The following PCMTD1 variants were observed in gnomAD, a reference collection of about 807,000 sequenced individuals.
The protein encoded by PCMTD1 is protein-L-isoaspartate O-methyltransferase domain-containing protein 1.
In PCMTD1, 12 loss-of-function variants were observed where a neutral mutation model predicts 37.6. That is an observed-to-expected ratio of 0.32 (90% confidence interval 0.20 to 0.52). The LOEUF (loss-of-function observed/expected upper bound fraction) is 0.52. Among genes scored for constraint, PCMTD1 ranks in the 20% least tolerant of loss-of-function variants. PCMTD1 has a pLI of 0.97. For synonymous variants in PCMTD1, 117 were observed against 135.8 expected, an observed-to-expected ratio of 0.86 and a Z score of 0.96; for missense variants, 235 against 421.3, an observed-to-expected ratio of 0.56 and a Z score of 3.87.
chr8:51,872,809 A>T (rs2038657886), intron 1 of PCMTD1, among the ~76,000 whole-genome samples: 1 of 152,192 alleles, frequency 6.6e-6, no homozygotes, highest in African/African-American at 2.4e-5. Context: ...GCTCATATCA[A>T]ATGTACTCTT....
At chr8:51,890,887 A>G (rs909631772) in intron 1 of PCMTD1, among the ~76,000 whole-genome samples, 1 of 152,202 alleles carries the variant, frequency 6.6e-6, no homozygotes, top group Non-Finnish European at 1.5e-5. Flanking sequence ...CACCAAATAC[A>G]TCTGCCACAG....
At chr8:51,869,099 A>C (rs2038602147) in intron 1 of PCMTD1, among the ~76,000 whole-genome samples, 1 of 152,188 alleles carries the variant, frequency 6.6e-6, no homozygotes, top group Non-Finnish European at 1.5e-5. Context: ...TAATCAATAT[A>C]ATCAATATTA....
At chr8:51,882,818 T>TAAAAAA (rs34942203) in intron 1 of PCMTD1, among the ~76,000 whole-genome samples, 2 of 137,602 alleles carry the variant, frequency 1.5e-5, no homozygotes, top group South Asian at 2.3e-4. Context: ...ATAGCATACT[T>TAAAAAA]AAAAAAAAAA....
At chr8:51,892,946 A>C (rs1473342903) in intron 1 of PCMTD1, among the ~76,000 whole-genome samples, 2 of 152,236 alleles carry the variant, frequency 1.3e-5, no homozygotes, top group African/African-American at 4.8e-5. Flanking sequence ...TTTTCAGTTT[A>C]TATATTTTTT....
rs1181656474 is a variant in PCMTD1, at chr8:51,818,775, T to A, written c.*1576A>T. The stretch of plus-strand genomic sequence containing the variant: ...GGAACAATTTCATGCTTACACATGA[T>A]CACAAACATTTGTTTTTAGATGTTG... On this transcript the variant is annotated 3_prime_UTR_variant, in exon 6 of 6. Transcript: ENST00000522514. 1.3e-5 allele frequency: 2 copies of A among 152,322 alleles called. No individual in the cohort carries two copies. The highest frequency in any genetic ancestry group is 1.5e-5 in the Non-Finnish European group (1 of 68,064). The allele number at this position is 152,322 out of a possible 1,614,324, so 9.4% of individuals were successfully genotyped here. A position where few individuals can be genotyped will look rare whatever the true frequency, so the allele number is the denominator to read the frequency against.
At chr8:51,847,397 C>T (rs1476589545) in intron 2 of PCMTD1, among the ~76,000 whole-genome samples, 4 of 151,600 alleles carry the variant, frequency 2.6e-5, no homozygotes, top group Admixed American at 2.6e-4. Flanking sequence ...GAGGCCAAGG[C>T]GGGCAGATGG....
intron 2 of PCMTD1, among the ~76,000 whole-genome samples, chr8:51,859,102 C>A (rs2038434474): frequency 6.6e-6 from 1 of 152,146 alleles, no homozygotes; most frequent in African/African-American, 2.4e-5. Context: ...TCAGCACGAG[C>A]CAGTTGGCAC....
chr8:51,878,957 T>C (rs939982713), intron 1 of PCMTD1, among the ~76,000 whole-genome samples: 5 of 152,014 alleles, frequency 3.3e-5, no homozygotes, highest in African/African-American at 1.2e-4. Flanking sequence ...AGACCCTATT[T>C]CTATAAAACA....
At chr8:51,882,297 T>C (rs1009644388) in intron 1 of PCMTD1, among the ~76,000 whole-genome samples, 7 of 152,206 alleles carry the variant, frequency 4.6e-5, no homozygotes, top group Non-Finnish European at 8.8e-5. Flanking sequence ...AATGACGCTA[T>C]TGGATCAGGG....
chr8:51,895,224 G>A lies in PCMTD1; in HGVS notation c.-96+3706C>T, dbSNP rs368062564. The stretch of plus-strand genomic sequence containing the variant: ...AAAAACAAACAAAGGCCCCAAGAAG[G>A]GAGAGTTGGAGATGCCAGTTTGTGA... On this transcript the variant is annotated intron_variant, in intron 1 of 5. Transcript: ENST00000522514. 1.1e-4 allele frequency among the ~76,000 whole-genome samples: 16 copies of A among 151,950 alleles called. 1 individual carries two copies. The highest frequency in any genetic ancestry group is 3.4e-4 in the African/African-American group (14 of 41,406).
At chr8:51,847,369 G>A (rs1317090057) in intron 2 of PCMTD1, among the ~76,000 whole-genome samples, 3 of 152,222 alleles carry the variant, frequency 2.0e-5, no homozygotes, top group African/African-American at 7.2e-5. Context: ...GCTCATGCCT[G>A]TAATCCCAGC....
chr8:51,882,248 C>G (rs1451892245), intron 1 of PCMTD1, among the ~76,000 whole-genome samples: 1 of 152,124 alleles, frequency 6.6e-6, no homozygotes, highest in Non-Finnish European at 1.5e-5. Flanking sequence ...TTTGTACACA[C>G]AAAAAAGCAT....
At chr8:51,893,858 C>G (rs2038967058) in intron 1 of PCMTD1, among the ~76,000 whole-genome samples, 2 of 152,036 alleles carry the variant, frequency 1.3e-5, no homozygotes, top group African/African-American at 4.8e-5. Context: ...GCTTAAATAC[C>G]AATGAAAGGG....
chr8:51,827,340 G>A (rs1267490134), intron 5 of PCMTD1: 4 of 1,077,436 alleles, frequency 3.7e-6, no homozygotes, highest in East Asian at 5.9e-5. Flanking sequence ...CACGGTTTCC[G>A]CTTTCTATGG....
At chr8:51,871,989 C>T (rs147934956) in intron 1 of PCMTD1, among the ~76,000 whole-genome samples, 1 of 152,270 alleles carries the variant, frequency 6.6e-6, no homozygotes, top group African/African-American at 2.4e-5. Flanking sequence ...CCAACTTCCT[C>T]CACATCCTTT....
At chr8:51,855,488 G>A (rs1197128385) in intron 2 of PCMTD1, among the ~76,000 whole-genome samples, 5 of 145,326 alleles carry the variant, frequency 3.4e-5, no homozygotes, top group Admixed American at 1.4e-4. Context: ...AGCTGCGATC[G>A]TGTCACTGCA....
Position 51,820,646 on chromosome 8 carries a change from T to G in PCMTD1, c.779A>C (p.Asn260Thr), listed in dbSNP as rs1253274672. ...YIRRTLRNFINDEMQAKGIPQ... is the reference protein window; with the variant it reads ...YIRRTLRNFITDEMQAKGIPQ... ...AATCCCCTTGGCCTGCATCTCATCATTTATGAAATTTCTAAGTGTGCGTCG... is the reference window on the plus strand; with the variant it reads ...AATCCCCTTGGCCTGCATCTCATCAGTTATGAAATTTCTAAGTGTGCGTCG... Residue 260 changes from asparagine to threonine, a missense_variant, in exon 6 of 6, where the codon AAT becomes ACT. Around this residue, in one of 3 missense-constraint regions of PCMTD1, gnomAD observed 183 missense variants for 349.3 expected, o/e 0.52. Transcript: ENST00000522514. The G allele has an allele frequency of 6.2e-7, 1 of 1,613,824 alleles. No homozygotes were observed. The highest frequency in any genetic ancestry group is 8.5e-7 in the Non-Finnish European group (1 of 1,179,938).
chr8:51,881,883 C>T (rs888830011), intron 1 of PCMTD1, among the ~76,000 whole-genome samples: 3 of 152,210 alleles, frequency 2.0e-5, no homozygotes, highest in Non-Finnish European at 4.4e-5. Flanking sequence ...TCTCCTCCCA[C>T]AGCCTTTGCT....
At chr8:51,838,737 T>C (rs2038102709) in intron 3 of PCMTD1, among the ~76,000 whole-genome samples, 1 of 152,202 alleles carries the variant, frequency 6.6e-6, no homozygotes, top group Admixed American at 6.5e-5. Context: ...GTAAAGGACA[T>C]ATTTTAAACT....
Sources: gnomAD v4.1 joint callset for allele counts (sites outside exome capture counted in the v4.1 genomes callset) on GRCh38, gnomAD v4.1.1 for gene constraint, gnomAD v4.1.1 regional missense constraint, MANE v1.5 for transcripts, NCBI Gene and HGNC (gene_info 2026-07-23, HGNC 2026-07-21) for gene names.